LAPTM4B: variants seen among roughly 807,000 people sequenced by gnomAD.
The protein encoded by LAPTM4B is lysosomal protein transmembrane 4 beta.
In LAPTM4B, 26 loss-of-function variants were observed where a neutral mutation model predicts 28.5. The observed-to-expected ratio is 0.91, with a 90% CI of 0.67 to 1.27. LAPTM4B has a LOEUF of 1.27. Ranked by LOEUF, LAPTM4B falls within the 50% of genes most tolerant of loss-of-function variation. The pLI is 0.00. For synonymous variants in LAPTM4B, 109 were observed against 106.4 expected (o/e 1.02, Z -0.15); for missense variants, 288 against 285.8 (o/e 1.01, Z -0.06).
chr8:97,840,642 A>G (rs1422306726), intron 6 of LAPTM4B, among the ~76,000 whole-genome samples: 1 of 152,194 alleles, frequency 6.6e-6, no homozygotes, highest in East Asian at 1.9e-4. Context: ...CACAGCCAAA[A>G]TTATTATTAT....
At chr8:97,811,949 G>A (rs13259176) in intron 2 of LAPTM4B, among the ~76,000 whole-genome samples, 68,458 of 151,612 alleles carry the variant, frequency 0.45, 15,927 homozygotes, top group East Asian at 0.58. Context: ...GGGACCATAG[G>A]TGCGTACCAC....
intron 2 of LAPTM4B, among the ~76,000 whole-genome samples, chr8:97,810,483 A>G (rs1487290482): frequency 6.6e-6 from 1 of 152,226 alleles, no homozygotes; most frequent in Non-Finnish European, 1.5e-5. Context: ...TGAAGGGTAT[A>G]CGTGAATTCT....
intron 1 of LAPTM4B, among the ~76,000 whole-genome samples, chr8:97,795,145 A>G (rs1484095839): frequency 1.3e-5 from 2 of 152,194 alleles, no homozygotes; most frequent in Non-Finnish European, 1.5e-5. Context: ...TGTCACTCAG[A>G]GTGCAGTGTG....
intron 1 of LAPTM4B, among the ~76,000 whole-genome samples, chr8:97,791,233 TC>T (rs1816492202): frequency 6.6e-6 from 1 of 152,064 alleles, no homozygotes; most frequent in Admixed American, 6.6e-5. Flanking sequence ...AGAGTTTAGG[TC>T]TCCATTGTCC....
intron 6 of LAPTM4B, among the ~76,000 whole-genome samples, chr8:97,841,422 G>T (rs1295676028): frequency 6.6e-6 from 1 of 152,112 alleles, no homozygotes; most frequent in Non-Finnish European, 1.5e-5. Context: ...CCACCTCCTG[G>T]GTTCAAGTGA....
rs754968180 is a variant in LAPTM4B at position 97,815,330 on chromosome 8, A to G, written c.214A>G (p.Met72Val). The G allele has an allele frequency of 6.8e-6, 11 of 1,613,364 alleles. No homozygotes were observed. In the East Asian group the frequency reaches 1.6e-4, roughly 23 times the overall value. ...GDFEFMDDAN[M>V]CIAIAISLLM... ...AATTCTTTTTAATCTTTCGGCAGAC[A>G]TGTGCATTGCCATTGCGATTTCTCT... Residue 72 changes from methionine (M) to valine (V), a missense_variant and splice_region_variant, in exon 3 of 7, where the codon ATG (methionine) becomes GTG (valine). By Grantham distance (21) the Met-to-Val change is conservative. Transcript: ENST00000521545.
intron 1 of LAPTM4B, among the ~76,000 whole-genome samples, chr8:97,788,930 G>A (rs771277001): frequency 5.3e-5 from 8 of 151,856 alleles, no homozygotes; most frequent in Admixed American, 4.6e-4. Flanking sequence ...TCCTGACCTC[G>A]TGATCCGCCC....
chr8:97,849,564 G>A (rs1001578129), intron 6 of LAPTM4B, among the ~76,000 whole-genome samples: 2 of 152,208 alleles, frequency 1.3e-5, no homozygotes, highest in Non-Finnish European at 2.9e-5. Context: ...AAAGTATTTA[G>A]CACATAGGCA....
chr8:97,776,173 C>G (rs1303760288), intron 1 of LAPTM4B, 65 bp downstream of exon 1: 5 of 1,474,222 alleles, frequency 3.4e-6, no homozygotes, highest in South Asian at 1.3e-5. Flanking sequence ...GGCTTCTGGC[C>G]CGGCCTCGCG....
intron 6 of LAPTM4B, among the ~76,000 whole-genome samples, chr8:97,825,972 A>G (rs1247115059): frequency 2.6e-5 from 4 of 152,196 alleles, no homozygotes; most frequent in African/African-American, 7.2e-5. Context: ...AAATGGTAGG[A>G]CGTCAAATTT....
chr8:97,839,141 C>T (rs911878751), intron 6 of LAPTM4B, among the ~76,000 whole-genome samples: 33 of 152,168 alleles, frequency 2.2e-4, no homozygotes, highest in African/African-American at 8.0e-4. Flanking sequence ...GTGACATTAA[C>T]TCGGCTCCTA....
At chr8:97,821,204 C>T (rs1351578761) in intron 5 of LAPTM4B, among the ~76,000 whole-genome samples, 1 of 151,772 alleles carries the variant, frequency 6.6e-6, no homozygotes, top group Non-Finnish European at 1.5e-5. Flanking sequence ...GGCATGGTGG[C>T]GGGCGCCTGT....
intron 1 of LAPTM4B, among the ~76,000 whole-genome samples, chr8:97,785,652 G>T (rs376792511): frequency 2.0e-4 from 30 of 152,312 alleles, no homozygotes; most frequent in African/African-American, 7.2e-4. Flanking sequence ...AGGGGGAACA[G>T]GGAGTGTACT....
intron 6 of LAPTM4B, among the ~76,000 whole-genome samples, chr8:97,845,347 T>C (rs937935044): frequency 1.1e-5 from 1 of 87,522 alleles, no homozygotes; most frequent in Non-Finnish European, 2.3e-5. Context: ...TCCTAAGTTG[T>C]TTTTTTTTTT....
Position 97,775,845 on chromosome 8 carries a change from C to T in LAPTM4B, c.-165C>T, listed in dbSNP as rs761692902. On this transcript the variant is annotated 5_prime_UTR_variant, in exon 1 of 7. Transcript: ENST00000521545. ...GAAGGGTACCGACCCGGCAGAAGCT[C>T]GGAGCTCTCGGGGTATCGAGGAGGC... The T allele has an allele frequency of 2.0e-6, 3 of 1,536,476 alleles. No homozygotes were observed. Among genetic ancestry groups the T allele is most frequent in the Non-Finnish European group, 1.7e-6 (2 of 1,146,678 alleles).
chr8:97,790,043 C>T (rs1467786257), intron 1 of LAPTM4B, among the ~76,000 whole-genome samples: 1 of 152,192 alleles, frequency 6.6e-6, no homozygotes, highest in African/African-American at 2.4e-5. Flanking sequence ...TTGCAAATGA[C>T]AAGATCTCAT....
At chr8:97,823,723 A>G (rs1170533244) in intron 5 of LAPTM4B, among the ~76,000 whole-genome samples, 1 of 135,650 alleles carries the variant, frequency 7.4e-6, no homozygotes, top group African/African-American at 2.8e-5. Context: ...TCGGAGATGG[A>G]GTCTCGCTCT....
chr8:97,789,057 T>C (rs1816455170), intron 1 of LAPTM4B, among the ~76,000 whole-genome samples: 1 of 80,806 alleles, frequency 1.2e-5, no homozygotes, highest in South Asian at 5.1e-4. Flanking sequence ...TTTATTTATT[T>C]ATTTATTTAT....
chr8:97,843,580 G>C (rs1817383511), intron 6 of LAPTM4B, among the ~76,000 whole-genome samples: 1 of 152,106 alleles, frequency 6.6e-6, no homozygotes. Context: ...GAGTTTGAGA[G>C]ACCAGCCTGG....
Sources: gnomAD v4.1 joint callset for allele counts (sites outside exome capture counted in the v4.1 genomes callset) on GRCh38, gnomAD v4.1.1 for gene constraint, MANE v1.5 for transcripts, NCBI Gene and HGNC (gene_info 2026-07-23, HGNC 2026-07-21) for gene names.